Variants in NPC1 observed in about 807,000 individuals in gnomAD.
The protein encoded by NPC1 is NPC intracellular cholesterol transporter 1.
Under a neutral mutation model 140.4 loss-of-function variants are expected in NPC1, and 85 were observed. That is an observed-to-expected ratio of 0.61 (90% CI 0.51 to 0.72). The LOEUF (loss-of-function observed/expected upper bound fraction) is 0.72, where lower values mean the gene tolerates loss of function less well. Ranked by LOEUF, NPC1 falls within the 30% of genes least tolerant of loss-of-function variation. The pLI, the probability that NPC1 is intolerant of heterozygous loss-of-function variation, is 0.00. For missense variants in NPC1, 1,504 were observed against 1,623.8 expected (o/e 0.93, Z 1.27); for synonymous variants, 656 against 624.8 (o/e 1.05, Z -0.74).
rs925597629 is a variant in NPC1, at chr18:23,546,640, C to A, written c.1757+1366G>T. Reference sequence around the variant, plus strand: ...GTGTTTGTCAGTTGATAAATGCACACAATGTGGTATATCCATACAATGGAA... The same window carrying A: ...GTGTTTGTCAGTTGATAAATGCACAAAATGTGGTATATCCATACAATGGAA... On this transcript the variant is annotated intron_variant, in intron 11 of 24. Coordinates refer to ENST00000269228, the MANE Select transcript of NPC1 (RefSeq NM_000271.5). Among the ~76,000 whole-genome samples the A allele has an allele frequency of 3.9e-5, 6 of 152,220 alleles. No homozygotes were observed. In the East Asian group the frequency reaches 1.2e-3, roughly 29 times the overall value.
At chr18:23,522,759 C>G (rs1413198481) in exon 2 of NPC1, 2 of 152,324 alleles carry the variant, frequency 1.3e-5, no homozygotes, top group Non-Finnish European at 2.9e-5. Context: ...GTCTGGGGAT[C>G]TAGGTAGTGT....
chr18:23,547,472 G>T (rs894700851), intron 11 of NPC1, among the ~76,000 whole-genome samples: 3 of 152,182 alleles, frequency 2.0e-5, no homozygotes, highest in African/African-American at 7.2e-5. Context: ...TGGGTGCAGT[G>T]GCTCACACCT....
At chr18:23,536,638 C>T (rs546153740) in intron 21 of NPC1, 35 bp downstream of exon 21, 1 of 1,587,140 alleles carries the variant, frequency 6.3e-7, no homozygotes, top group African/African-American at 1.3e-5. Flanking sequence ...AGGCCCTTTG[C>T]TGGGTAAACC....
chr18:23,520,347 C>A, downstream of NPC1: 1 of 1,521,182 alleles, frequency 6.6e-7, no homozygotes, highest in Non-Finnish European at 9.1e-7. Flanking sequence ...TCTGTGCTGC[C>A]CTTTCACCAT....
intron 20 of NPC1, among the ~76,000 whole-genome samples, chr18:23,537,345 G>C (rs1008482606): frequency 6.6e-5 from 10 of 152,180 alleles, no homozygotes; most frequent in African/African-American, 2.4e-4. Flanking sequence ...CAAAAGTACT[G>C]GGATTACAGG....
At chr18:23,576,149 G>T (rs1174621826) in intron 1 of NPC1, among the ~76,000 whole-genome samples, 1 of 152,064 alleles carries the variant, frequency 6.6e-6, no homozygotes, top group Non-Finnish European at 1.5e-5. Context: ...GCTTGAACCC[G>T]AGAGGCGGAG....
chr18:23,512,905 C>A (rs2057900886), intron 3 of NPC1, among the ~76,000 whole-genome samples: 2 of 152,090 alleles, frequency 1.3e-5, no homozygotes, highest in African/African-American at 2.4e-5. Context: ...TCCCCTTATC[C>A]CTTCCCTGCA....
chr18:23,519,154 G>A (rs757383487), downstream of NPC1: 12 of 1,613,890 alleles, frequency 7.4e-6, no homozygotes, highest in Admixed American at 1.7e-5. Flanking sequence ...CCTGGTAGTC[G>A]TGCATCATCA....
rs1567945743 is a variant in NPC1 at position 23,535,646 on chromosome 18, G to A, written c.3300C>T (p.Phe1100=). 6.2e-7 allele frequency: 1 copy of A among 1,614,192 alleles called. No individual in the cohort carries two copies. Among genetic ancestry groups the A allele is most frequent in the African/African-American group, 1.3e-5 (1 of 75,038 alleles). Residue 1100 remains phenylalanine (F), a synonymous_variant, in exon 22 of 25, where the codon TTC becomes TTT. Coordinates refer to ENST00000269228, the MANE Select transcript of NPC1 (RefSeq NM_000271.5). ...QYLTIIDDTI[F]NLGVSLGAIF... ...TCGCGCCCAGGGACACACCGAGGTT[G>A]AAGATAGTGTCGTCAATGATGGTCA...
chr18:23,530,627 A>T (rs758537183), downstream of NPC1: 10 of 1,609,898 alleles, frequency 6.2e-6, no homozygotes, highest in Non-Finnish European at 8.5e-6. Context: ...GAATGCAATG[A>T]AAAGACTTGG....
chr18:23,544,506 T>C lies in NPC1; in HGVS notation c.1968A>G (p.Leu656=). 6.2e-7 allele frequency: 1 copy of C among 1,614,152 alleles called. No individual in the cohort carries two copies. Among genetic ancestry groups the C allele is most frequent in the East Asian group, 2.2e-5 (1 of 44,894 alleles). Residue 656 remains leucine, a synonymous_variant, in exon 13 of 25, where the codon CTA becomes CTG. Transcript: ENST00000269228. ...GCACGATCAAGATGCCCGCGATGCC[T>C]AGTGAGACCTTCGAATCCACCTGAG... ...RRLLVDSKVS[L]GIAGILIVLS...
chr18:23,506,850 T>G, intron 3 of NPC1: 1 of 718,142 alleles, frequency 1.4e-6, no homozygotes, highest in Non-Finnish European at 2.4e-6. Flanking sequence ...GAAACATAAT[T>G]TTAATTTTAG....
At chr18:23,555,959 G>A (rs1213803018) in intron 8 of NPC1, among the ~76,000 whole-genome samples, 3 of 152,104 alleles carry the variant, frequency 2.0e-5, no homozygotes, top group Admixed American at 6.5e-5. Flanking sequence ...ATAGAGAAAC[G>A]CCACTGAAGT....
intron 4 of NPC1, among the ~76,000 whole-genome samples, chr18:23,563,986 A>ATTTTT (rs1567972936): frequency 3.5e-5 from 2 of 56,664 alleles, no homozygotes; most frequent in Non-Finnish European, 6.6e-5. Flanking sequence ...GAGTAGTAAG[A>ATTTTT]GTTTTTTTTT....
intron 1 of NPC1, among the ~76,000 whole-genome samples, chr18:23,585,726 G>A (rs1336059710): frequency 6.6e-6 from 1 of 152,120 alleles, no homozygotes; most frequent in East Asian, 1.9e-4. Flanking sequence ...ATTCAATACC[G>A]CCCTGTGAGT....
chr18:23,507,226 G>A (rs1039640811), intron 3 of NPC1, among the ~76,000 whole-genome samples: 7 of 152,046 alleles, frequency 4.6e-5, no homozygotes, highest in Admixed American at 2.0e-4. Flanking sequence ...CATTTGAGTG[G>A]GTTAAAAAAA....
chr18:23,529,443 G>A (rs1464043099), downstream of NPC1: 1 of 1,377,502 alleles, frequency 7.3e-7, no homozygotes, highest in Non-Finnish European at 9.7e-7. Context: ...AGAGCTGGTA[G>A]TTTGGCTTCT....
In NPC1 at chr18:23,572,260, T is replaced by A. The variant is rs2059214962; in HGVS notation, c.181-80A>T. 7 of 884,146 alleles carry A rather than the reference T, an allele frequency of 7.9e-6. No individual in the cohort carries two copies. The Admixed American group carries it at 1.1e-4, about 14-fold the overall frequency. The allele number at this position is 884,146 out of a possible 1,614,324, so 54.8% of individuals were successfully genotyped here. A position where few individuals can be genotyped will look rare whatever the true frequency, so the allele number is the denominator to read the frequency against. The stretch of plus-strand genomic sequence containing the variant: ...ACATTCCTCAGTGAACTAAGACACA[T>A]TCATTCATGTAATCCTTTTGAAGTA... On this transcript the variant is annotated intron_variant, in intron 2 of 24. Coordinates refer to ENST00000269228, the MANE Select transcript of NPC1 (RefSeq NM_000271.5).
At chr18:23,559,994 C>T (rs1374634319) in intron 6 of NPC1, among the ~76,000 whole-genome samples, 1 of 152,068 alleles carries the variant, frequency 6.6e-6, no homozygotes, top group Non-Finnish European at 1.5e-5. Flanking sequence ...ATGCACAGTG[C>T]TTTAAATCAC....
Sources: allele counts gnomAD v4.1 joint callset (sites outside exome capture counted in the v4.1 genomes callset), GRCh38; gene constraint gnomAD v4.1.1; transcripts MANE v1.5; gene names NCBI Gene and HGNC (gene_info 2026-07-23, HGNC 2026-07-21).